The following CHN2 variants were observed in gnomAD, a reference collection of about 807,000 sequenced individuals.
The protein encoded by CHN2 is beta-chimaerin.
CHN2 carries 35 observed loss-of-function variants against 56.3 expected under a neutral mutation model. The ratio of observed to expected loss-of-function variants is 0.62; its 90% CI spans 0.47 to 0.82. CHN2 has a LOEUF of 0.82. Among genes scored for constraint, CHN2 ranks in the 40% least tolerant of loss-of-function variants. The pLI is 0.00. For missense variants in CHN2, 491 were observed against 580.5 expected, an observed-to-expected ratio of 0.85 and a Z score of 1.58; for synonymous variants, 210 against 212.8, an observed-to-expected ratio of 0.99 and a Z score of 0.12.
At chr7:29,495,472 T>A (rs1017309571) in intron 7 of CHN2, among the ~76,000 whole-genome samples, 9 of 152,222 alleles carry the variant, frequency 5.9e-5, no homozygotes, top group African/African-American at 2.2e-4. Context: ...AATGCCTTTT[T>A]TGGAAGTAGC....
intron 2 of CHN2, among the ~76,000 whole-genome samples, 184 bp downstream of exon 2, chr7:29,354,847 A>G (rs1024470665): frequency 6.6e-6 from 1 of 152,098 alleles, no homozygotes; most frequent in African/African-American, 2.4e-5. Context: ...CCTCTTACCA[A>G]GGCCTCCAAG....
At chr7:29,367,842 C>A in intron 2 of CHN2, 90 bp from the exon 3 acceptor site, 1 of 1,049,566 alleles carries the variant, frequency 9.5e-7, no homozygotes. Flanking sequence ...TTGAGATGTA[C>A]TTAGGTGGAA....
intron 3 of CHN2, among the ~76,000 whole-genome samples, chr7:29,386,016 A>T (rs1376547067): frequency 6.6e-6 from 1 of 152,198 alleles, no homozygotes; most frequent in Non-Finnish European, 1.5e-5. Context: ...TGACCAGTGG[A>T]CATTTATAGT....
In CHN2 at chr7:29,199,779, G is replaced by A. The variant is rs554720002; in HGVS notation, c.49+4789G>A. ...TACATATTTGCAGTGTTTGACAAGG[G>A]GGACCCAGTGATTTGTGAACTTGTG... On this transcript the variant is annotated intron_variant, in intron 1 of 12. Transcript: ENST00000222792. The A allele has an allele frequency of 2.0e-5, 3 of 152,296 alleles. 1 individual carries two copies. The East Asian group carries it at 5.8e-4, about 29-fold the overall frequency. 9.4% of individuals were successfully genotyped at this position (152,296 alleles called of 1,614,324 possible). A position where few individuals can be genotyped will look rare whatever the true frequency, so the allele number is the denominator to read the frequency against.
At chr7:29,305,117 T>G (rs1794038111) in intron 1 of CHN2, among the ~76,000 whole-genome samples, 1 of 152,028 alleles carries the variant, frequency 6.6e-6, no homozygotes, top group Non-Finnish European at 1.5e-5. Context: ...AGGAAGGAGC[T>G]CTAAACAGCC....
chr7:29,391,438 T>A (rs1051549326), intron 3 of CHN2, among the ~76,000 whole-genome samples: 3 of 152,012 alleles, frequency 2.0e-5, no homozygotes, highest in Non-Finnish European at 4.4e-5. Context: ...CCAGGATGCC[T>A]AGTTAAATTT....
chr7:29,389,286 C>T (rs1376480261), intron 3 of CHN2, among the ~76,000 whole-genome samples: 1 of 152,218 alleles, frequency 6.6e-6, no homozygotes, highest in Admixed American at 6.5e-5. Flanking sequence ...TGGTCACTCA[C>T]CCCGTTTACT....
chr7:29,291,443 G>A (rs1792618753), intron 1 of CHN2, among the ~76,000 whole-genome samples: 1 of 151,994 alleles, frequency 6.6e-6, no homozygotes, highest in Admixed American at 6.6e-5. Flanking sequence ...TGTAACAAAG[G>A]TAATGCTTCT....
intron 1 of CHN2, among the ~76,000 whole-genome samples, chr7:29,272,838 T>C (rs1790775399): frequency 1.3e-5 from 2 of 152,184 alleles, no homozygotes; most frequent in Admixed American, 6.5e-5. Context: ...AACATGATAT[T>C]ATAGGATATA....
intron 2 of CHN2, among the ~76,000 whole-genome samples, chr7:29,156,547 C>T (rs143830928): frequency 9.9e-4 from 150 of 152,222 alleles, no homozygotes; most frequent in Non-Finnish European, 1.8e-3. Context: ...GAAATTTTGC[C>T]CTGAGGCATC....
intron 9 of CHN2, 34 bp from the exon 10 acceptor site, chr7:29,504,710 A>G (rs1021145444): frequency 5.0e-6 from 7 of 1,394,600 alleles, no homozygotes; most frequent in Non-Finnish European, 5.9e-6. Flanking sequence ...TGTTTCAAGA[A>G]GCTAAAGTCA....
chr7:29,211,462 A>G (rs1230467916), intron 1 of CHN2, among the ~76,000 whole-genome samples: 1 of 150,406 alleles, frequency 6.6e-6, no homozygotes, highest in African/African-American at 2.4e-5. Flanking sequence ...ACACACACAC[A>G]CACACACACA....
intron 6 of CHN2, among the ~76,000 whole-genome samples, chr7:29,464,255 G>A (rs760762289): frequency 2.6e-5 from 4 of 152,142 alleles, no homozygotes; most frequent in East Asian, 1.9e-4. Flanking sequence ...TTAGTTTCCC[G>A]GACATTAGTA....
intron 1 of CHN2, among the ~76,000 whole-genome samples, chr7:29,294,313 C>T (rs932398097): frequency 6.6e-6 from 1 of 152,062 alleles, no homozygotes; most frequent in African/African-American, 2.4e-5. Flanking sequence ...TGGAGAAATA[C>T]TTTTGGGAGT....
intron 7 of CHN2, among the ~76,000 whole-genome samples, chr7:29,491,950 T>C (rs571071321): frequency 2.0e-5 from 3 of 152,300 alleles, no homozygotes; most frequent in East Asian, 3.9e-4. Flanking sequence ...CATGATTAGA[T>C]TGACCCACAC....
chr7:29,289,965 G>A lies in CHN2; in HGVS notation c.50-64660G>A, dbSNP rs138522991. ...AGTTTGTGGTAAGTAAGCTCTTACA[G>A]ATGGAGCATGCACTTAATCTACTTT... On this transcript the variant is annotated intron_variant, in intron 1 of 12. Coordinates refer to ENST00000222792, the MANE Select transcript of CHN2 (RefSeq NM_004067.4). Among the ~76,000 whole-genome samples, 8 of 152,348 alleles carry A rather than the reference G, an allele frequency of 5.3e-5. No homozygotes were observed. In the East Asian group the frequency reaches 1.3e-3, roughly 26 times the overall value.
intron 1 of CHN2, among the ~76,000 whole-genome samples, chr7:29,295,718 ACTT>A (rs1310182410): frequency 8.5e-5 from 13 of 152,208 alleles, no homozygotes; most frequent in African/African-American, 3.1e-4. Flanking sequence ...GAGCCTACTT[ACTT>A]CTTTTCATAA....
At chr7:29,344,342 T>C (rs1321651467) in intron 1 of CHN2, among the ~76,000 whole-genome samples, 1 of 152,224 alleles carries the variant, frequency 6.6e-6, no homozygotes, top group East Asian at 1.9e-4. Context: ...TTATCCCCGC[T>C]TGCATTTTCC....
In CHN2 at chr7:29,480,312, C is replaced by T; in HGVS notation, c.610C>T (p.His204Tyr). The T allele has an allele frequency of 6.2e-7, 1 of 1,614,198 alleles. No individual in the cohort carries two copies. Among genetic ancestry groups the T allele is most frequent in the Non-Finnish European group, 8.5e-7 (1 of 1,180,034 alleles). Residue 204 changes from histidine (H) to tyrosine (Y), a missense_variant, in exon 7 of 13, where the codon CAC (histidine) becomes TAC (tyrosine). Transcript: ENST00000222792. ...CCTGGTTCGAAGGGCTGCCCTCACA[C>T]ACAACGACAACCACTTCAATTATGA... Reference protein sequence around the residue: ...SSLVRRAALTHNDNHFNYEKT... With the variant: ...SSLVRRAALTYNDNHFNYEKT...
Sources: gnomAD v4.1 joint callset for allele counts (sites outside exome capture counted in the v4.1 genomes callset) on GRCh38, gnomAD v4.1.1 for gene constraint, MANE v1.5 for transcripts, NCBI Gene and HGNC (gene_info 2026-07-23, HGNC 2026-07-21) for gene names.